Variants in KCNQ3 observed in about 807,000 individuals in gnomAD.
KCNQ3 encodes potassium voltage-gated channel subfamily Q member 3.
A neutral mutation model predicts 92.5 loss-of-function variants in KCNQ3; 30 were observed. The observed-to-expected ratio is 0.32, with a 90% confidence interval of 0.24 to 0.44. The LOEUF is 0.44. Ranked by LOEUF, KCNQ3 falls within the 20% of genes least tolerant of loss-of-function variation. The pLI, the probability that KCNQ3 is intolerant of heterozygous loss-of-function variation, is 1.00. For synonymous variants in KCNQ3, 450 were observed against 468.8 expected (o/e 0.96, Z 0.52); for missense variants, 913 against 1,140.3 (o/e 0.80, Z 2.87).
chr8:132,180,458 G>T, intron 3 of KCNQ3, 129 bp from the exon 4 acceptor site: 1 of 948,612 alleles, frequency 1.1e-6, no homozygotes, highest in Non-Finnish European at 1.6e-6. Flanking sequence ...TCTGAGCACT[G>T]CTGTTGAATC....
At chr8:132,367,880 G>A (rs59526505) in intron 1 of KCNQ3, among the ~76,000 whole-genome samples, 49,991 of 152,108 alleles carry the variant, frequency 0.33, 10,009 homozygotes, top group African/African-American at 0.57. Flanking sequence ...CTCCCAGAGA[G>A]TTAGAGAATA....
chr8:132,200,729 C>G (rs1827433915), intron 1 of KCNQ3, among the ~76,000 whole-genome samples: 1 of 152,116 alleles, frequency 6.6e-6, no homozygotes, highest in Non-Finnish European at 1.5e-5. Flanking sequence ...TGTGATAAAT[C>G]TGCCTCTGGA....
At chr8:132,170,174 G>T (rs1826279423) in intron 8 of KCNQ3, among the ~76,000 whole-genome samples, 160 bp downstream of exon 8, 1 of 152,052 alleles carries the variant, frequency 6.6e-6, no homozygotes, top group Non-Finnish European at 1.5e-5. Flanking sequence ...CGCCCAGCCA[G>T]AACTGTTTAA....
chr8:132,413,663 C>T (rs1045862767), intron 1 of KCNQ3, among the ~76,000 whole-genome samples: 2 of 152,190 alleles, frequency 1.3e-5, no homozygotes, highest in African/African-American at 2.4e-5. Context: ...GGTTAAAAAA[C>T]GTTGTCAGAC....
intron 1 of KCNQ3, among the ~76,000 whole-genome samples, chr8:132,233,648 C>G (rs1457462987): frequency 6.6e-6 from 1 of 152,244 alleles, no homozygotes; most frequent in African/African-American, 2.4e-5. Flanking sequence ...CTACATCCTG[C>G]TTTCTTCCAT....
chr8:132,389,528 C>T (rs957846979), intron 1 of KCNQ3, among the ~76,000 whole-genome samples: 2 of 152,156 alleles, frequency 1.3e-5, no homozygotes, highest in Admixed American at 6.5e-5. Flanking sequence ...TGAGAAAAGG[C>T]ATTTGCTGCA....
rs574908862 is a variant in KCNQ3 at position 132,340,122 on chromosome 8, C to T, written c.386+140025G>A. ...AAAGTCAGGAAACAACAGATGCTGG[C>T]GAGGCTGTGGAGAAATAGGAATGCT... On this transcript the variant is annotated intron_variant, in intron 1 of 14. Transcript: ENST00000388996. 3.9e-4 allele frequency among the ~76,000 whole-genome samples: 60 copies of T among 152,196 alleles called. 1 individual carries two copies. In the East Asian group the frequency reaches 4.3e-3, roughly 11 times the overall value.
At chr8:132,199,781 G>A (rs1827404485) in intron 1 of KCNQ3, among the ~76,000 whole-genome samples, 1 of 152,066 alleles carries the variant, frequency 6.6e-6, no homozygotes, top group African/African-American at 2.4e-5. Context: ...GTGGTGGCAG[G>A]CATCTGTAAT....
intron 1 of KCNQ3, among the ~76,000 whole-genome samples, chr8:132,280,725 T>C (rs528947546): frequency 1.3e-5 from 2 of 152,280 alleles, no homozygotes; most frequent in South Asian, 4.1e-4. Flanking sequence ...ACAGAAAGCA[T>C]ATTCCAGGCA....
intron 1 of KCNQ3, among the ~76,000 whole-genome samples, chr8:132,407,745 G>T (rs1820530019): frequency 6.6e-6 from 1 of 152,208 alleles, no homozygotes; most frequent in South Asian, 2.1e-4. Context: ...TGAACAGTTT[G>T]TAAAAAATAC....
intron 1 of KCNQ3, among the ~76,000 whole-genome samples, chr8:132,248,198 T>G (rs574572075): frequency 5.5e-4 from 83 of 152,258 alleles, no homozygotes; most frequent in African/African-American, 1.9e-3. Context: ...TTCTGAGAAT[T>G]ACAGCTACTA....
intron 1 of KCNQ3, among the ~76,000 whole-genome samples, chr8:132,393,471 G>C (rs2673592): frequency 0.37 from 56,944 of 152,074 alleles, 12,412 homozygotes; most frequent in South Asian, 0.59. Context: ...GAGTATGGCT[G>C]GGTTCCAAAA....
chr8:132,134,012 C>T (rs899154308), intron 13 of KCNQ3, among the ~76,000 whole-genome samples: 4 of 152,212 alleles, frequency 2.6e-5, no homozygotes, highest in Admixed American at 1.3e-4. Flanking sequence ...TAAGTCTCCT[C>T]TTGTTTTGTA....
intron 4 of KCNQ3, among the ~76,000 whole-genome samples, chr8:132,177,202 C>A (rs1407918143): frequency 6.6e-6 from 1 of 152,156 alleles, no homozygotes; most frequent in East Asian, 1.9e-4. Flanking sequence ...ACTGACTGTT[C>A]TGGATTAATA....
chr8:132,378,422 A>G (rs1391731615), intron 1 of KCNQ3, among the ~76,000 whole-genome samples: 1 of 152,164 alleles, frequency 6.6e-6, no homozygotes, highest in Non-Finnish European at 1.5e-5. Flanking sequence ...TACTAAAAAC[A>G]TTAAAAAGGA....
At position 132,226,845 on chromosome 8, in the gene KCNQ3, A is replaced by T. The variant is rs553088497; in HGVS notation, c.387-40664T>A. Among the ~76,000 whole-genome samples the T allele has an allele frequency of 1.3e-4, 20 of 152,296 alleles. No individual in the cohort carries two copies. The South Asian group carries it at 2.5e-3, about 19-fold the overall frequency. On this transcript the variant is annotated intron_variant, in intron 1 of 14. Coordinates refer to ENST00000388996, the MANE Select transcript of KCNQ3 (RefSeq NM_004519.4). Reference sequence around the variant, plus strand: ...ATTTTGGCAATACTCTCTGAGGGATAAAAACAAGAAATGACACTCATATAA... The same window carrying T: ...ATTTTGGCAATACTCTCTGAGGGATTAAAACAAGAAATGACACTCATATAA...
intron 1 of KCNQ3, among the ~76,000 whole-genome samples, chr8:132,389,392 G>A (rs1280380727): frequency 6.6e-6 from 1 of 152,232 alleles, no homozygotes; most frequent in African/African-American, 2.4e-5. Flanking sequence ...GCAGCGAGCT[G>A]AGATTGCGCC....
chr8:132,347,120 G>T (rs779819466), intron 1 of KCNQ3, among the ~76,000 whole-genome samples: 3 of 152,176 alleles, frequency 2.0e-5, no homozygotes, highest in Non-Finnish European at 4.4e-5. Context: ...CCCTGGGCTG[G>T]ATATTTTTAA....
intron 1 of KCNQ3, among the ~76,000 whole-genome samples, chr8:132,353,361 G>T (rs552849718): frequency 6.6e-6 from 1 of 152,194 alleles, no homozygotes; most frequent in East Asian, 1.9e-4. Flanking sequence ...CAGAAGGACT[G>T]TCAGAAAAAA....
Sources: allele counts gnomAD v4.1 joint callset (sites outside exome capture counted in the v4.1 genomes callset), GRCh38; gene constraint gnomAD v4.1.1; transcripts MANE v1.5; gene names NCBI Gene and HGNC (gene_info 2026-07-23, HGNC 2026-07-21).